Variants in IL1RAPL1 observed in about 807,000 individuals in gnomAD.
IL1RAPL1 encodes interleukin-1 receptor accessory protein-like 1.
IL1RAPL1 carries 3 observed loss-of-function variants against 48.4 expected under a neutral mutation model. That is an observed-to-expected ratio of 0.06 (90% CI 0.03 to 0.16). The LOEUF (loss-of-function observed/expected upper bound fraction) is 0.16. Ranked by LOEUF, IL1RAPL1 falls within the 10% of genes least tolerant of loss-of-function variation. The probability of loss-of-function intolerance (pLI) is 1.00; values close to 1 mark genes in which losing one functional copy is unlikely to be tolerated. For missense variants in IL1RAPL1, 349 were observed against 530.6 expected (o/e 0.66, Z 3.36); for synonymous variants, 185 against 187.7 (o/e 0.99, Z 0.12).
chrX:28,825,306 A>G (rs1330741663), intron 2 of IL1RAPL1, among the ~76,000 whole-genome samples: 1 of 111,516 alleles, frequency 9.0e-6, no homozygotes, highest in African/African-American at 3.2e-5. Flanking sequence ...CTCAGCAGGC[A>G]TTTTGATCAG....
intron 2 of IL1RAPL1, among the ~76,000 whole-genome samples, chrX:28,964,207 A>G (rs1161275543): frequency 9.0e-6 from 1 of 111,727 alleles, no homozygotes; most frequent in Admixed American, 9.5e-5. Context: ...TCCATCTGGC[A>G]CCACCATTTT....
At chrX:28,634,028 C>T (rs988522552) in intron 1 of IL1RAPL1, among the ~76,000 whole-genome samples, 5 of 109,340 alleles carry the variant, frequency 4.6e-5, no homozygotes, top group African/African-American at 1.0e-4. Flanking sequence ...TTAACTGAGA[C>T]GCAATCTCAT....
chrX:28,867,117 C>T (rs1922096475), intron 2 of IL1RAPL1, among the ~76,000 whole-genome samples: 1 of 111,176 alleles, frequency 9.0e-6, no homozygotes, highest in Non-Finnish European at 1.9e-5. Context: ...CCTGCAAAAT[C>T]TGCCAGTGCC....
intron 2 of IL1RAPL1, among the ~76,000 whole-genome samples, chrX:28,831,789 A>G (rs1014273691): frequency 1.8e-5 from 2 of 111,018 alleles, no homozygotes; most frequent in East Asian, 5.7e-4. Flanking sequence ...TCAGAGTTTC[A>G]TACTCCACTA....
intron 2 of IL1RAPL1, among the ~76,000 whole-genome samples, chrX:29,141,076 C>A (rs774389395): frequency 9.0e-6 from 1 of 110,656 alleles, no homozygotes; most frequent in East Asian, 2.8e-4. Flanking sequence ...GACATAAATT[C>A]AATTATTATT....
intron 6 of IL1RAPL1, among the ~76,000 whole-genome samples, chrX:29,770,029 A>G (rs1257470463): frequency 8.9e-6 from 1 of 112,441 alleles, no homozygotes; most frequent in African/African-American, 3.2e-5. Flanking sequence ...TTTTACTTCA[A>G]GTTACATCTG....
At chrX:28,693,876 C>A (rs1164831935) in intron 1 of IL1RAPL1, among the ~76,000 whole-genome samples, 2 of 111,692 alleles carry the variant, frequency 1.8e-5, no homozygotes, top group Non-Finnish European at 3.8e-5. Flanking sequence ...CTAAATGCAT[C>A]TTTTCAATCA....
intron 8 of IL1RAPL1, among the ~76,000 whole-genome samples, chrX:29,922,271 G>T (rs1932854181): frequency 9.0e-6 from 1 of 111,643 alleles, no homozygotes; most frequent in Non-Finnish European, 1.9e-5. Context: ...AAAATTATTT[G>T]AAATTTTTTC....
At chrX:29,352,423 G>T (rs1243062996) in intron 3 of IL1RAPL1, among the ~76,000 whole-genome samples, 5 of 111,666 alleles carry the variant, frequency 4.5e-5, no homozygotes, top group Non-Finnish European at 9.4e-5. Flanking sequence ...TAAATTAAAT[G>T]AAATTCATAG....
intron 2 of IL1RAPL1, among the ~76,000 whole-genome samples, chrX:28,812,538 T>A (rs1193814464): frequency 6.3e-5 from 7 of 111,092 alleles, no homozygotes; most frequent in African/African-American, 2.3e-4. Context: ...ATACTAGTAA[T>A]TCTTTTCTCT....
chrX:29,812,313 C>T (rs992822573), intron 6 of IL1RAPL1, among the ~76,000 whole-genome samples: 2 of 111,898 alleles, frequency 1.8e-5, no homozygotes, highest in African/African-American at 6.5e-5. Context: ...CTTTTTTATG[C>T]TTTTCTTCAT....
chrX:29,837,272 A>AAAATATATATATATAT (rs1447926305), intron 6 of IL1RAPL1, among the ~76,000 whole-genome samples: 1 of 72,142 alleles, frequency 1.4e-5, no homozygotes, highest in African/African-American at 5.9e-5. Flanking sequence ...AAAAAAAAAA[A>AAAATATATATATATAT]ATATATATAT....
At chrX:29,734,862 C>T (rs1928007485) in intron 6 of IL1RAPL1, among the ~76,000 whole-genome samples, 1 of 111,427 alleles carries the variant, frequency 9.0e-6, no homozygotes, top group Admixed American at 9.5e-5. Context: ...CCCCCAATTC[C>T]CAGGGGAAAG....
chrX:29,113,734 G>C (rs1052108179), intron 2 of IL1RAPL1, among the ~76,000 whole-genome samples: 4 of 111,196 alleles, frequency 3.6e-5, no homozygotes, highest in Non-Finnish European at 7.5e-5. Flanking sequence ...TTTGTATCTT[G>C]ACATCTTGGT....
chrX:29,433,377 G>T (rs914639545), intron 5 of IL1RAPL1, among the ~76,000 whole-genome samples: 1 of 110,576 alleles, frequency 9.0e-6, no homozygotes, highest in East Asian at 2.8e-4. Flanking sequence ...TCCCTTTCAA[G>T]TATATATAAT....
intron 3 of IL1RAPL1, among the ~76,000 whole-genome samples, chrX:29,339,430 C>G (rs1391292029): frequency 2.7e-5 from 3 of 111,058 alleles, no homozygotes; most frequent in Non-Finnish European, 5.7e-5. Context: ...ATAAAAATAC[C>G]TTAGGATTCA....
intron 1 of IL1RAPL1, among the ~76,000 whole-genome samples, chrX:28,611,916 C>G (rs775249971): frequency 1.8e-5 from 2 of 112,211 alleles, no homozygotes; most frequent in South Asian, 3.7e-4. Flanking sequence ...TAAACTACTA[C>G]CCATGACCCA....
intron 3 of IL1RAPL1, among the ~76,000 whole-genome samples, chrX:29,367,091 CAT>C (rs777382662): frequency 2.7e-5 from 3 of 111,279 alleles, no homozygotes; most frequent in South Asian, 3.8e-4. Flanking sequence ...CTGTGGAAAT[CAT>C]GTGTAATTAG....
intron 5 of IL1RAPL1, among the ~76,000 whole-genome samples, chrX:29,542,349 G>A (rs1921466732): frequency 1.8e-5 from 2 of 111,697 alleles, no homozygotes; most frequent in South Asian, 7.5e-4. Context: ...CTGGTTAGCA[G>A]TCCATGCAGC....
Sources: gnomAD v4.1 joint callset for allele counts (sites outside exome capture counted in the v4.1 genomes callset) on GRCh38, gnomAD v4.1.1 for gene constraint, MANE v1.5 for transcripts, NCBI Gene and HGNC (gene_info 2026-07-23, HGNC 2026-07-21) for gene names.